SRSF9: variants seen among roughly 807,000 people sequenced by gnomAD.
SRSF9 encodes the protein serine and arginine rich splicing factor 9.
A neutral mutation model predicts 25.9 loss-of-function variants in SRSF9; 3 were observed. That is an observed-to-expected ratio of 0.12 (90% CI 0.05 to 0.30). The LOEUF is 0.30. Among genes scored for constraint, SRSF9 ranks in the 10% least tolerant of loss-of-function variants. The pLI, the probability that SRSF9 is intolerant of heterozygous loss-of-function variation, is 1.00. For missense variants in SRSF9, 161 were observed against 303.5 expected, an observed-to-expected ratio of 0.53 and a Z score of 3.49; for synonymous variants, 114 against 113.2, an observed-to-expected ratio of 1.01 and a Z score of -0.05.
intron 3 of SRSF9, chr12:120,463,697 C>A: frequency 2.8e-6 from 1 of 352,276 alleles, no homozygotes; most frequent in Non-Finnish European, 5.1e-6. Context: ...ATACCATGAC[C>A]AAACTGTGTA....
rs1448973379 is a variant in SRSF9, at chr12:120,462,181, C to G, written c.523-19G>C. On this transcript the variant is annotated intron_variant, in intron 3 of 3. Transcript: ENST00000229390. ...TTTCACCCTGAAATGCAAACAAAAACAAAAAGAGTAAAGGGGAAAAAAATC... is the reference window on the plus strand; with the variant it reads ...TTTCACCCTGAAATGCAAACAAAAAGAAAAAGAGTAAAGGGGAAAAAAATC... 6.3e-7 allele frequency: 1 copy of G among 1,590,886 alleles called. No individual in the cohort carries two copies. The highest frequency in any genetic ancestry group is 8.6e-7 in the Non-Finnish European group (1 of 1,169,222).
chr12:120,469,251 C>T (rs2137053282), intron 1 of SRSF9, among the ~76,000 whole-genome samples, 171 bp downstream of exon 1: 1 of 152,188 alleles, frequency 6.6e-6, no homozygotes, highest in African/African-American at 2.4e-5. Flanking sequence ...CGGCCCGGGC[C>T]TGCGAGGAGA....
In SRSF9 at chr12:120,462,001, A is replaced by G. The variant is rs1352575354; in HGVS notation, c.*18T>C. On this transcript the variant is annotated 3_prime_UTR_variant, in exon 4 of 4. Transcript: ENST00000229390. ...TCAGTTAACCTAAAAAATAAAGAAAAAATTCCCATCACCTGTCTCAGTAGG... is the reference window on the plus strand; with the variant it reads ...TCAGTTAACCTAAAAAATAAAGAAAGAATTCCCATCACCTGTCTCAGTAGG... 1 of 1,590,030 alleles carries G rather than the reference A, an allele frequency of 6.3e-7. No homozygotes were observed. Among genetic ancestry groups the G allele is most frequent in the African/African-American group, 1.4e-5 (1 of 73,988 alleles).
In SRSF9 at chr12:120,469,523, G is replaced by A. The variant is rs1878586162; in HGVS notation, c.87C>T (p.Asp29=). 2.5e-6 allele frequency: 4 copies of A among 1,594,012 alleles called. No homozygotes were observed. The highest frequency in any genetic ancestry group is 1.1e-5 in the South Asian group (1 of 88,674). ...CGTACTTGTAGAACAGGTCCTCCAA[G>A]TCCTTCTCGCGCACGTCGGTCGGAA... ...GNLPTDVREK[D]LEDLFYKYGR... Residue 29 remains aspartate, a synonymous_variant, in exon 1 of 4, where the codon GAC becomes GAT. Coordinates refer to ENST00000229390, the MANE Select transcript of SRSF9 (RefSeq NM_003769.3).
intron 3 of SRSF9, 75 bp from the exon 4 acceptor site, chr12:120,462,237 A>C (rs1271623456): frequency 1.4e-6 from 2 of 1,480,022 alleles, no homozygotes; most frequent in African/African-American, 2.8e-5. Flanking sequence ...ACCAACATCT[A>C]ACAATAATAG....
chr12:120,469,544 C>T lies in SRSF9; in HGVS notation c.66G>A (p.Pro22=), dbSNP rs368892822. 2.3e-5 allele frequency: 37 copies of T among 1,586,348 alleles called. No individual in the cohort carries two copies. The highest frequency in any genetic ancestry group is 3.3e-4 in the Middle Eastern group (2 of 6,000). The change falls in exon 1 of 4, where the codon CCG becomes CCA. Residue 22 remains proline (P), a synonymous_variant. Transcript: ENST00000229390. ...CCAAGTCCTTCTCGCGCACGTCGGT[C>T]GGAAGGTTCCCCACGTAGATGCGCC... ...GDGRIYVGNL[P]TDVREKDLED...
intron 3 of SRSF9, 121 bp from the exon 4 acceptor site, chr12:120,462,283 G>A (rs1441303890): frequency 4.8e-6 from 5 of 1,035,706 alleles, no homozygotes; most frequent in Non-Finnish European, 6.9e-6. Context: ...CTCTGTGCCT[G>A]GCATGAGGCT....
intron 1 of SRSF9, among the ~76,000 whole-genome samples, chr12:120,466,773 C>A (rs537393163): frequency 1.3e-5 from 2 of 152,086 alleles, no homozygotes; most frequent in Non-Finnish European, 2.9e-5. Flanking sequence ...TGGGCTCAGG[C>A]GATCCTTCCC....
At chr12:120,465,478 G>C (rs1450824858) in intron 2 of SRSF9, 149 bp downstream of exon 2, 5 of 784,514 alleles carry the variant, frequency 6.4e-6, no homozygotes, top group Non-Finnish European at 9.1e-6. Flanking sequence ...TTCCTCATTG[G>C]CAATCCAGGG....
chr12:120,462,315 A>G (rs1878368464), intron 3 of SRSF9, 153 bp from the exon 4 acceptor site: 5 of 700,598 alleles, frequency 7.1e-6, no homozygotes, highest in Non-Finnish European at 1.1e-5. Flanking sequence ...CCTTCATAAC[A>G]TTATGAGGTA....
Position 120,465,720 on chromosome 12 carries a change from A to C in SRSF9, c.256T>G (p.Phe86Val). ...CCCCGACCTCCATAAGTCCTGGGGA[A>C]CTCCACACGAAGCCGACACTGGCCA... The part of the protein sequence containing the change: ...DYGQCRLRVE[F>V]PRTYGGRGGW... The change falls in exon 2 of 4, where the codon TTC (phenylalanine) becomes GTC (valine). Residue 86 changes from phenylalanine (F) to valine (V), a missense_variant. Physicochemically the swap from Phe to Val is conservative, Grantham distance 50 (BLOSUM62 -1). Transcript: ENST00000229390. 1 of 1,606,508 alleles carries C rather than the reference A, an allele frequency of 6.2e-7. No individual in the cohort carries two copies. Among genetic ancestry groups the C allele is most frequent in the South Asian group, 1.1e-5 (1 of 89,384 alleles).
At chr12:120,462,869 T>C (rs562210288) in intron 3 of SRSF9, 2 of 152,326 alleles carry the variant, frequency 1.3e-5, no homozygotes, top group East Asian at 1.9e-4. Context: ...AAGTCAGTAA[T>C]TGGAGTTACC....
At chr12:120,468,766 G>A (rs1462764518) in intron 1 of SRSF9, among the ~76,000 whole-genome samples, 1 of 152,202 alleles carries the variant, frequency 6.6e-6, no homozygotes, top group Non-Finnish European at 1.5e-5. Flanking sequence ...AGCGGGGTTA[G>A]GAATCTAGAG....
In SRSF9 at chr12:120,464,091, C is replaced by T; in HGVS notation, c.381G>A (p.Leu127=). 4 of 1,613,718 alleles carry T rather than the reference C, an allele frequency of 2.5e-6. No homozygotes were observed. The highest frequency in any genetic ancestry group is 3.4e-6 in the Non-Finnish European group (4 of 1,179,788). ...CCCCAGCTTCTCGCATGTGATCCTT[C>T]AGGTCCTGCCAGCTGCCTGACGGAG... ...GLPPSGSWQD[L]KDHMREAGDV... Residue 127 remains leucine, a synonymous_variant, in exon 3 of 4, where the codon CTG becomes CTA. Coordinates refer to ENST00000229390, the MANE Select transcript of SRSF9 (RefSeq NM_003769.3).
intron 1 of SRSF9, among the ~76,000 whole-genome samples, chr12:120,467,043 G>A (rs966871922): frequency 5.9e-5 from 9 of 152,212 alleles, no homozygotes; most frequent in African/African-American, 2.2e-4. Flanking sequence ...GTGGACAAGA[G>A]GAGCTGAATG....
chr12:120,469,598 C>G lies in SRSF9; in HGVS notation c.12G>C (p.Trp4Cys). The G allele has an allele frequency of 6.6e-7, 1 of 1,509,790 alleles. No individual in the cohort carries two copies. The highest frequency in any genetic ancestry group is 8.8e-7 in the Non-Finnish European group (1 of 1,131,750). The allele number at this position is 1,509,790 out of a possible 1,614,324, so 93.5% of individuals were successfully genotyped here. The change falls in exon 1 of 4, where the codon TGG (tryptophan) becomes TGC (cysteine). Residue 4 changes from tryptophan to cysteine, a missense_variant. Trp to Cys is a radical substitution (Grantham distance 215, BLOSUM62 -2). Coordinates refer to ENST00000229390, the MANE Select transcript of SRSF9 (RefSeq NM_003769.3). ...CGCCCTCGCCGCCGCGCTCGTCCGC[C>G]CAGCCCGACATCCGCACCGCCCGAC... is the stretch of plus-strand genomic sequence containing the variant. MSG[W>C]ADERGGEGDG...
intron 2 of SRSF9, 119 bp from the exon 3 acceptor site, chr12:120,464,241 TC>T: frequency 8.5e-7 from 1 of 1,172,450 alleles, no homozygotes; most frequent in East Asian, 2.4e-5. Context: ...GGTCCCCAAA[TC>T]ATAAACCTTG....
intron 1 of SRSF9, 114 bp from the exon 2 acceptor site, chr12:120,465,901 G>A (rs1408956066): frequency 2.9e-6 from 3 of 1,044,820 alleles, no homozygotes; most frequent in Non-Finnish European, 4.0e-6. Context: ...AACCTAGAGT[G>A]AAGAAAAAAA....
chr12:120,463,537 G>C (rs1878412627), intron 3 of SRSF9: 1 of 155,468 alleles, frequency 6.4e-6, no homozygotes, highest in African/African-American at 2.4e-5. Context: ...GCAGGACCTA[G>C]AAGGGCTGAG....
Sources: allele counts gnomAD v4.1 joint callset (sites outside exome capture counted in the v4.1 genomes callset), GRCh38; gene constraint gnomAD v4.1.1; transcripts MANE v1.5; gene names NCBI Gene and HGNC (gene_info 2026-07-23, HGNC 2026-07-21).